Variants in PABPC1L observed in about 807,000 individuals in gnomAD.
PABPC1L encodes poly(A) binding protein cytoplasmic 1 like.
PABPC1L carries 31 observed loss-of-function variants against 66.6 expected under a neutral mutation model. The ratio of observed to expected loss-of-function variants is 0.47; its 90% CI spans 0.35 to 0.63. The LOEUF (loss-of-function observed/expected upper bound fraction) is 0.63. Ranked by LOEUF, PABPC1L falls within the 20% of genes least tolerant of loss-of-function variation. The pLI, the probability that PABPC1L is intolerant of heterozygous loss-of-function variation, is 0.00. For synonymous variants in PABPC1L, 348 were observed against 335.1 expected (o/e 1.04, Z -0.42); for missense variants, 722 against 848.8 (o/e 0.85, Z 1.86).
Position 44,921,684 on chromosome 20 carries a change from A to G in PABPC1L, c.829A>G (p.Lys277Glu), listed in dbSNP as rs1041012322. Residue 277 changes from lysine to glutamate, a missense_variant, in exon 6 of 15, where the codon AAG becomes GAG. Coordinates refer to ENST00000217073, the MANE Select transcript of PABPC1L (RefSeq NM_001372179.1). ...QKRVERQNEL[K>E]RRFEQMKQDR... ...GCGCGTGGAGCGGCAGAATGAACTG[A>G]AGCGCAGGTTTGAGCAGATGAAGCA... 1 of 1,613,910 alleles carries G rather than the reference A, an allele frequency of 6.2e-7. No homozygotes were observed. Among genetic ancestry groups the G allele is most frequent in the East Asian group, 2.2e-5 (1 of 44,866 alleles).
At chr20:44,928,760 A>G (rs747757289) in intron 7 of PABPC1L, among the ~76,000 whole-genome samples, 1 of 147,648 alleles carries the variant, frequency 6.8e-6, no homozygotes, top group Non-Finnish European at 1.5e-5. Context: ...GCTACTTGGG[A>G]GACTGAGTTG....
At position 44,939,112 on chromosome 20, in the gene PABPC1L, C is replaced by T. The variant is rs1255741913; in HGVS notation, c.*7-14C>T. 1 of 717,606 alleles carries T rather than the reference C, an allele frequency of 1.4e-6. No individual in the cohort carries two copies. The highest frequency in any genetic ancestry group is 2.0e-5 in the Admixed American group (1 of 49,996). The allele number at this position is 717,606 out of a possible 1,614,324, so 44.5% of individuals were successfully genotyped here. A position where few individuals can be genotyped will look rare whatever the true frequency, so the allele number is the denominator to read the frequency against. On this transcript the variant is annotated splice_polypyrimidine_tract_variant and intron_variant, in intron 14 of 14. Coordinates refer to ENST00000217073, the MANE Select transcript of PABPC1L (RefSeq NM_001372179.1). Reference sequence around the variant, plus strand: ...ATACTTTAAAAACACTTATTTTTACCTTTTTGTCCTCAGAAAAGGAAATCC... The same window carrying T: ...ATACTTTAAAAACACTTATTTTTACTTTTTTGTCCTCAGAAAAGGAAATCC...
chr20:44,926,111 C>T (rs773566433), intron 7 of PABPC1L, among the ~76,000 whole-genome samples: 1 of 152,224 alleles, frequency 6.6e-6, no homozygotes, highest in Non-Finnish European at 1.5e-5. Flanking sequence ...GATGGACCTT[C>T]TTGAGGACTC....
Position 44,932,215 on chromosome 20 carries a change from G to T in PABPC1L, c.1240-127G>T, listed in dbSNP as rs888434744. On this transcript the variant is annotated intron_variant, in intron 8 of 14. Transcript: ENST00000217073. ...AGGAAGGAGCTTTCATTACAGCCTTGTGGGTCTTGACTCACCAGTCCCTGC... is the reference window on the plus strand; with the variant it reads ...AGGAAGGAGCTTTCATTACAGCCTTTTGGGTCTTGACTCACCAGTCCCTGC... 9 of 574,954 alleles carry T rather than the reference G, an allele frequency of 1.6e-5. No homozygotes were observed. The East Asian group carries it at 2.5e-4, about 16-fold the overall frequency. The allele number at this position is 574,954 out of a possible 1,614,324, so 35.6% of individuals were successfully genotyped here.
In PABPC1L at chr20:44,932,335, C is replaced by A; in HGVS notation, c.1240-7C>A. Reference sequence around the variant, plus strand: ...CCCCTCAGTCTGGGTCTTCTTTTCCCATGCAGCCTCCAGCCCAGGCTGCAT... The same window carrying A: ...CCCCTCAGTCTGGGTCTTCTTTTCCAATGCAGCCTCCAGCCCAGGCTGCAT... On this transcript the variant is annotated splice_region_variant and splice_polypyrimidine_tract_variant and intron_variant, in intron 8 of 14. Transcript: ENST00000217073. 1 of 1,600,944 alleles carries A rather than the reference C, an allele frequency of 6.2e-7. No homozygotes were observed. Among genetic ancestry groups the A allele is most frequent in the Non-Finnish European group, 8.5e-7 (1 of 1,171,088 alleles).
intron 3 of PABPC1L, among the ~76,000 whole-genome samples, chr20:44,917,983 G>A (rs2066748692): frequency 1.3e-5 from 2 of 152,028 alleles, no homozygotes; most frequent in African/African-American, 2.4e-5. Context: ...TTTTTAATCT[G>A]GGATGCTTTC....
chr20:44,938,099 CAGCT>C lies in PABPC1L; in HGVS notation c.1700_1703del (p.Gln567ArgfsTer31). The C allele has an allele frequency of 1.2e-6, 2 of 1,614,172 alleles. No homozygotes were observed. Among genetic ancestry groups the C allele is most frequent in the Middle Eastern group, 1.6e-4 (1 of 6,062 alleles). ...CCCCCTTATCCATGATGTCCACACC[CAGCT>C]GGCTGGCAAGATCACGGGCATGCTG... On this transcript the variant is annotated frameshift_variant, in exon 13 of 15. Coordinates refer to ENST00000217073, the MANE Select transcript of PABPC1L (RefSeq NM_001372179.1). LOFTEE classifies it high-confidence loss of function.
At chr20:44,932,729 C>T (rs2066870814) in intron 9 of PABPC1L, 2 of 504,050 alleles carry the variant, frequency 4.0e-6, no homozygotes, top group East Asian at 6.5e-5. Context: ...ATTCCTCTGG[C>T]TATATTGTTG....
chr20:44,931,841 G>A (rs4812873), intron 8 of PABPC1L: 61,162 of 151,988 alleles, frequency 0.4, 13,036 homozygotes, highest in African/African-American at 0.56. Flanking sequence ...AGATGCCAAT[G>A]TCTACTGAGA....
Position 44,922,991 on chromosome 20 carries a change from C to T in PABPC1L, c.877-1170C>T, listed in dbSNP as rs150706695. 2.6e-3 allele frequency among the ~76,000 whole-genome samples: 392 copies of T among 152,344 alleles called. 2 individuals are homozygous for T. Among genetic ancestry groups the T allele is most frequent in the Non-Finnish European group, 3.4e-3 (232 of 68,042 alleles). On this transcript the variant is annotated intron_variant, in intron 6 of 14. Coordinates refer to ENST00000217073, the MANE Select transcript of PABPC1L (RefSeq NM_001372179.1). ...CATACATCCTCTTGTGTACATACAG[C>T]GTGTCCAGGGGCTTTCATACCTGCA...
At chr20:44,912,542 G>C (rs2235172) in intron 1 of PABPC1L, 118 bp from the exon 2 acceptor site, 305,627 of 854,458 alleles carry the variant, frequency 0.36, 56,694 homozygotes, top group African/African-American at 0.52. Context: ...CTTATTGTCT[G>C]GGACCCAGAC....
At chr20:44,911,996 G>A (rs1250244098) in intron 1 of PABPC1L, among the ~76,000 whole-genome samples, 3 of 152,206 alleles carry the variant, frequency 2.0e-5, no homozygotes, top group Non-Finnish European at 4.4e-5. Context: ...GCTGTTTTGA[G>A]ACATTATTTT....
At chr20:44,932,234 T>G (rs1005589612) in intron 8 of PABPC1L, 108 bp from the exon 9 acceptor site, 4 of 757,246 alleles carry the variant, frequency 5.3e-6, no homozygotes, top group Non-Finnish European at 8.4e-6. Flanking sequence ...GACTCACCAG[T>G]CCCTGCAGGA....
At position 44,930,655 on chromosome 20, in the gene PABPC1L, C is replaced by A. The variant is rs200290235; in HGVS notation, c.1168C>A (p.Arg390=). 1.2e-6 allele frequency: 2 copies of A among 1,614,222 alleles called. No individual in the cohort carries two copies. The highest frequency in any genetic ancestry group is 1.6e-4 in the Middle Eastern group (1 of 6,062). The change falls in exon 8 of 15, where the codon CGG becomes AGG. Residue 390 remains arginine, a synonymous_variant. Transcript: ENST00000217073. The part of the protein sequence containing the change: ...NQYMQRLSTM[R]TLSNPLLGSF... ...GTACATGCAGCGCCTCTCCACCATG[C>A]GGACCCTGAGCAACCCCCTCCTGGG...
At chr20:44,934,143 A>AG (rs529204727) in intron 10 of PABPC1L, among the ~76,000 whole-genome samples, 121 of 152,282 alleles carry the variant, frequency 7.9e-4, no homozygotes, top group African/African-American at 2.2e-3. Flanking sequence ...ACAAGGGTGT[A>AG]GGTTTTGGCT....
intron 12 of PABPC1L, 39 bp from the exon 13 acceptor site, chr20:44,938,022 C>G (rs1478695518): frequency 6.2e-7 from 1 of 1,613,220 alleles, no homozygotes; most frequent in African/African-American, 1.3e-5. Context: ...GGGGTGTGAG[C>G]TAGGCCGTGC....
chr20:44,917,880 C>A (rs1030412835), intron 3 of PABPC1L, among the ~76,000 whole-genome samples: 1 of 152,226 alleles, frequency 6.6e-6, no homozygotes, highest in Non-Finnish European at 1.5e-5. Context: ...CTCAAGTTCA[C>A]CTTTGCCACT....
In PABPC1L at chr20:44,939,264, C is replaced by A. The variant is rs534259140; in HGVS notation, c.*145C>A. On this transcript the variant is annotated 3_prime_UTR_variant, in exon 15 of 15. Transcript: ENST00000217073. ...TCTGTATGTGAATGAAGGTTGGTCA[C>A]CCATCCAGCCTATTACCTTTTGCTT... The A allele has an allele frequency of 7.9e-4, 563 of 716,134 alleles. 2 individuals are homozygous for A. Among genetic ancestry groups the A allele is most frequent in the Middle Eastern group, 1.4e-3 (6 of 4,378 alleles). 44.4% of individuals were successfully genotyped at this position (716,134 alleles called of 1,614,324 possible).
intron 1 of PABPC1L, among the ~76,000 whole-genome samples, chr20:44,911,881 A>T (rs1380348048): frequency 6.6e-6 from 1 of 152,228 alleles, no homozygotes; most frequent in Non-Finnish European, 1.5e-5. Context: ...TGTTCCCCAC[A>T]GCCCCCTTCC....
Sources: gnomAD v4.1 joint callset for allele counts (sites outside exome capture counted in the v4.1 genomes callset) on GRCh38, gnomAD v4.1.1 for gene constraint, MANE v1.5 for transcripts, NCBI Gene and HGNC (gene_info 2026-07-23, HGNC 2026-07-21) for gene names.